The following LRRC1 variants were observed in gnomAD, a reference collection of about 807,000 sequenced individuals.
LRRC1 encodes leucine rich repeat containing 1.
Under a neutral mutation model 69.9 loss-of-function variants are expected in LRRC1, and 28 were observed. The ratio of observed to expected loss-of-function variants is 0.40; its 90% CI spans 0.30 to 0.55. The LOEUF (loss-of-function observed/expected upper bound fraction) is 0.55. Among genes scored for constraint, LRRC1 ranks in the 20% least tolerant of loss-of-function variants. LRRC1 has a pLI of 0.47. For missense variants in LRRC1, 498 were observed against 609.0 expected (o/e 0.82, Z 1.92); for synonymous variants, 236 against 240.2 (o/e 0.98, Z 0.16).
At chr6:53,826,144 C>G (rs1334754851) in intron 1 of LRRC1, among the ~76,000 whole-genome samples, 1 of 151,288 alleles carries the variant, frequency 6.6e-6, no homozygotes, top group Non-Finnish European at 1.5e-5. Flanking sequence ...CAGCCCCCTG[C>G]CTACGTGTGG....
At chr6:53,899,927 G>A in intron 8 of LRRC1, 36 bp downstream of exon 8, 1 of 1,587,862 alleles carries the variant, frequency 6.3e-7, no homozygotes. Flanking sequence ...TAAACATACT[G>A]CCTGCCGTCG....
At chr6:53,848,718 CTGATGAA>C (rs990503363) in intron 2 of LRRC1, among the ~76,000 whole-genome samples, 22 of 152,086 alleles carry the variant, frequency 1.4e-4, no homozygotes, top group African/African-American at 5.3e-4. Context: ...AAAGTTATGA[CTGATGAA>C]TAAGTTGTAG....
chr6:53,799,727 A>T (rs981277508), intron 1 of LRRC1, among the ~76,000 whole-genome samples: 20 of 152,220 alleles, frequency 1.3e-4, no homozygotes, highest in Non-Finnish European at 4.4e-5. Context: ...CTTTTGCCTT[A>T]AACCAACCAT....
chr6:53,884,545 T>G (rs1032145019), intron 4 of LRRC1, among the ~76,000 whole-genome samples: 4 of 152,044 alleles, frequency 2.6e-5, no homozygotes, highest in African/African-American at 9.7e-5. Flanking sequence ...TTAAATATAG[T>G]AGCTGTTTAA....
chr6:53,865,920 C>T (rs1386130005), intron 2 of LRRC1, among the ~76,000 whole-genome samples: 4 of 151,950 alleles, frequency 2.6e-5, no homozygotes, highest in Non-Finnish European at 5.9e-5. Context: ...TGGGGTTTCA[C>T]CATGTTGGCC....
chr6:53,795,534 A>T (rs900433396), intron 1 of LRRC1, 119 bp downstream of exon 1: 10 of 942,308 alleles, frequency 1.1e-5, no homozygotes, highest in Non-Finnish European at 1.5e-5. Context: ...TCCCTCTTTT[A>T]TGCATTCACC....
chr6:53,795,469 G>A (rs1764267554), intron 1 of LRRC1, 54 bp downstream of exon 1: 8 of 1,541,574 alleles, frequency 5.2e-6, no homozygotes, highest in African/African-American at 1.4e-5. Context: ...TGTCCCTTCC[G>A]CTCCCATCCT....
At chr6:53,823,153 C>T (rs1373080326) in intron 1 of LRRC1, among the ~76,000 whole-genome samples, 1 of 152,148 alleles carries the variant, frequency 6.6e-6, no homozygotes, top group Admixed American at 6.5e-5. Flanking sequence ...ATGTCATTAC[C>T]AGTCACAATG....
At chr6:53,812,108 G>C (rs962953510) in intron 1 of LRRC1, among the ~76,000 whole-genome samples, 3 of 152,238 alleles carry the variant, frequency 2.0e-5, no homozygotes, top group African/African-American at 7.2e-5. Context: ...GGTGTCAAGA[G>C]ATAAGGCCCC....
chr6:53,797,015 A>G (rs1365952918), intron 1 of LRRC1, among the ~76,000 whole-genome samples: 2 of 152,138 alleles, frequency 1.3e-5, no homozygotes, highest in Non-Finnish European at 2.9e-5. Flanking sequence ...GAAATGATTC[A>G]TTGCTCTTTG....
chr6:53,902,158 T>C (rs1348593261), intron 8 of LRRC1, among the ~76,000 whole-genome samples: 1 of 152,226 alleles, frequency 6.6e-6, no homozygotes, highest in Non-Finnish European at 1.5e-5. Flanking sequence ...ATCCTTAATA[T>C]GGCTTTCCAG....
chr6:53,882,840 A>C (rs1454601033), intron 3 of LRRC1, 47 bp from the exon 4 acceptor site: 1 of 1,209,346 alleles, frequency 8.3e-7, no homozygotes. Flanking sequence ...TACACTATAC[A>C]TGAACTTTTT....
intron 4 of LRRC1, among the ~76,000 whole-genome samples, chr6:53,895,810 A>C (rs777840809): frequency 2.6e-5 from 4 of 152,232 alleles, no homozygotes; most frequent in Non-Finnish European, 5.9e-5. Flanking sequence ...GGAGAATCTG[A>C]TGAAGAGAGC....
At chr6:53,842,360 T>C (rs1765818831) in intron 2 of LRRC1, 133 bp downstream of exon 2, 1 of 620,848 alleles carries the variant, frequency 1.6e-6, no homozygotes, top group South Asian at 2.2e-5. Context: ...AGAATGATGG[T>C]TTCCAGCTTC....
chr6:53,824,941 A>G (rs547740128), intron 1 of LRRC1, among the ~76,000 whole-genome samples: 6 of 152,344 alleles, frequency 3.9e-5, no homozygotes, highest in African/African-American at 1.4e-4. Flanking sequence ...CTCACTATGT[A>G]GGGGAACATT....
Position 53,827,649 on chromosome 6 carries a change from T to TG in LRRC1, c.160-14458dup, listed in dbSNP as rs376500076. ...CACTGGTGCCAGAACATGGGGTGCA[T>TG]GGGCCTGTGGGTGTGGGAAATGGAG... On this transcript the variant is annotated intron_variant, in intron 1 of 13. Coordinates refer to ENST00000370888, the MANE Select transcript of LRRC1 (RefSeq NM_018214.5). Among the ~76,000 whole-genome samples, 499 of 152,194 alleles carry TG rather than the reference T, an allele frequency of 3.3e-3. 2 individuals carry two copies. Among genetic ancestry groups the TG allele is most frequent in the African/African-American group, 0.011 (465 of 41,524 alleles).
At chr6:53,900,457 A>C (rs1165463747) in intron 8 of LRRC1, among the ~76,000 whole-genome samples, 1 of 152,232 alleles carries the variant, frequency 6.6e-6, no homozygotes, top group East Asian at 1.9e-4. Flanking sequence ...ACTTTTAAGC[A>C]TCGATTCATC....
chr6:53,881,646 CAT>C (rs1373508358), intron 3 of LRRC1, among the ~76,000 whole-genome samples: 5 of 152,054 alleles, frequency 3.3e-5, no homozygotes, highest in Non-Finnish European at 5.9e-5. Flanking sequence ...AAATATCAAA[CAT>C]AATGTTATGT....
intron 13 of LRRC1, among the ~76,000 whole-genome samples, chr6:53,922,340 G>A (rs1321193172): frequency 1.3e-5 from 2 of 151,944 alleles, no homozygotes; most frequent in Non-Finnish European, 2.9e-5. Context: ...AAATGTTCTT[G>A]CTGTTTATGG....
Sources: gnomAD v4.1 joint callset for allele counts (sites outside exome capture counted in the v4.1 genomes callset) on GRCh38, gnomAD v4.1.1 for gene constraint, MANE v1.5 for transcripts, NCBI Gene and HGNC (gene_info 2026-07-23, HGNC 2026-07-21) for gene names.